Variants in PCDH7 observed in about 807,000 individuals in gnomAD.
PCDH7 encodes the protein protocadherin 7.
Under a neutral mutation model 58.9 loss-of-function variants are expected in PCDH7, and 17 were observed. The ratio of observed to expected loss-of-function variants is 0.29; its 90% CI spans 0.20 to 0.43. PCDH7 has a LOEUF of 0.43. Ranked by LOEUF, PCDH7 falls within the 20% of genes least tolerant of loss-of-function variation. The probability of loss-of-function intolerance (pLI) is 1.00; values close to 1 mark genes in which losing one functional copy is unlikely to be tolerated. For synonymous variants in PCDH7, 664 were observed against 616.4 expected (o/e 1.08, Z -1.14); for missense variants, 1,274 against 1,441.0 (o/e 0.88, Z 1.88).
At chr4:30,953,171 G>A (rs144711210) in intron 3 of PCDH7, among the ~76,000 whole-genome samples, 3 of 152,174 alleles carry the variant, frequency 2.0e-5, no homozygotes, top group African/African-American at 7.2e-5. Context: ...AAGTCTAGAG[G>A]TTGCTCCTAT....
intron 3 of PCDH7, among the ~76,000 whole-genome samples, chr4:30,992,310 A>G (rs1751523003): frequency 6.6e-6 from 1 of 152,208 alleles, no homozygotes; most frequent in African/African-American, 2.4e-5. Context: ...GATAATTCCC[A>G]ATCCAGCTGA....
At position 31,142,531 on chromosome 4, in the gene PCDH7, G is replaced by A. The variant is rs57021851; in HGVS notation, c.*66G>A. 1,797 of 1,367,732 alleles carry A rather than the reference G, an allele frequency of 1.3e-3. 27 individuals are homozygous for A. In the African/African-American group the frequency reaches 0.024, roughly 19 times the overall value. The allele number at this position is 1,367,732 out of a possible 1,614,324, so 84.7% of individuals were successfully genotyped here. A position where few individuals can be genotyped will look rare whatever the true frequency, so the allele number is the denominator to read the frequency against. On this transcript the variant is annotated 3_prime_UTR_variant, in exon 4 of 4. Coordinates refer to the PCDH7 transcript ENST00000509759. ...GGAAGTGCACTCGTGAGTGTGATGA[G>A]TATGGCCACTCAGACTCCTGCTGGA...
chr4:31,078,639 A>ATTTT (rs10709152), intron 3 of PCDH7, among the ~76,000 whole-genome samples: 852 of 73,568 alleles, frequency 0.012, 69 homozygotes, highest in African/African-American at 0.033. Context: ...ACCATGCCCC[A>ATTTT]TTTTTTTTTT....
intron 3 of PCDH7, among the ~76,000 whole-genome samples, chr4:31,008,104 A>T (rs553194486): frequency 1.3e-5 from 2 of 152,280 alleles, no homozygotes; most frequent in Admixed American, 6.5e-5. Flanking sequence ...AGATATTAAG[A>T]CAGAAGGCAG....
intron 1 of PCDH7, among the ~76,000 whole-genome samples, chr4:30,865,723 T>C (rs1364868863): frequency 1.3e-5 from 2 of 152,134 alleles, no homozygotes; most frequent in African/African-American, 4.8e-5. Flanking sequence ...GATAGAAATA[T>C]ACATACCTTC....
intron 1 of PCDH7, among the ~76,000 whole-genome samples, chr4:30,771,438 G>A (rs1009026778): frequency 6.6e-6 from 1 of 152,098 alleles, no homozygotes. Flanking sequence ...CTAGGATCTG[G>A]GTACCATAAT....
intron 1 of PCDH7, among the ~76,000 whole-genome samples, chr4:30,759,099 G>C (rs541169598): frequency 6.6e-6 from 1 of 151,740 alleles, no homozygotes; most frequent in Non-Finnish European, 1.5e-5. Context: ...CCGCCATGAC[G>C]CCCAGCTAAT....
chr4:30,811,449 G>A (rs980547728), intron 1 of PCDH7, among the ~76,000 whole-genome samples: 1 of 152,106 alleles, frequency 6.6e-6, no homozygotes, highest in African/African-American at 2.4e-5. Context: ...ATTATTAAGG[G>A]CTGTTCTTTG....
chr4:31,050,070 C>A (rs1366471986), intron 3 of PCDH7, among the ~76,000 whole-genome samples: 1 of 152,070 alleles, frequency 6.6e-6, no homozygotes, highest in East Asian at 1.9e-4. Context: ...ATGGGCATAT[C>A]TCTCTGGCTG....
chr4:31,005,790 T>A (rs1292429008), intron 3 of PCDH7, among the ~76,000 whole-genome samples: 3 of 152,200 alleles, frequency 2.0e-5, no homozygotes, highest in African/African-American at 7.2e-5. Context: ...ACATATGAAC[T>A]AATTAAAGTC....
At chr4:30,818,016 G>A (rs1480288675) in intron 1 of PCDH7, among the ~76,000 whole-genome samples, 1 of 152,044 alleles carries the variant, frequency 6.6e-6, no homozygotes, top group Non-Finnish European at 1.5e-5. Context: ...AGCCACAGTG[G>A]CCTCCTCCTT....
chr4:31,035,908 G>A (rs1755371455), intron 3 of PCDH7, among the ~76,000 whole-genome samples: 1 of 152,134 alleles, frequency 6.6e-6, no homozygotes, highest in Admixed American at 6.6e-5. Flanking sequence ...AGCGATAAGG[G>A]TTTCCTTGGC....
chr4:30,953,883 A>G (rs1484001728), intron 3 of PCDH7, among the ~76,000 whole-genome samples: 1 of 152,166 alleles, frequency 6.6e-6, no homozygotes, highest in African/African-American at 2.4e-5. Context: ...GTAAAAGACA[A>G]GCACAACAAA....
intron 3 of PCDH7, among the ~76,000 whole-genome samples, chr4:31,097,278 G>A (rs904698584): frequency 6.6e-6 from 1 of 151,688 alleles, no homozygotes; most frequent in South Asian, 2.1e-4. Flanking sequence ...CCAACATGGT[G>A]AAACCCTGTC....
rs564301041 is a variant in PCDH7 at position 30,930,580 on chromosome 4, A to T, written c.287+10211A>T. Reference sequence around the variant, plus strand: ...CCAAACAGAATGTTGAAAAGTACTGAAATATAAGAGAATAAGGGAGAAGTA... The same window carrying T: ...CCAAACAGAATGTTGAAAAGTACTGTAATATAAGAGAATAAGGGAGAAGTA... On this transcript the variant is annotated intron_variant, in intron 2 of 3. Transcript: ENST00000509759. 2.6e-5 allele frequency among the ~76,000 whole-genome samples: 4 copies of T among 152,270 alleles called. No individual in the cohort carries two copies. The East Asian group carries it at 7.7e-4, about 29-fold the overall frequency.
Position 31,099,948 on chromosome 4 carries a change from T to A in PCDH7, c.*8-42525T>A, listed in dbSNP as rs74911654. On this transcript the variant is annotated intron_variant, in intron 3 of 3. Coordinates refer to the PCDH7 transcript ENST00000509759. ...AGCATTTAACTTTGTGCCTATAACA[T>A]TATGAGGCTCAGATAAATGCTGAAC... Among the ~76,000 whole-genome samples the A allele has an allele frequency of 4.1e-4, 62 of 151,910 alleles. No homozygotes were observed. The East Asian group carries it at 9.5e-3, about 23-fold the overall frequency.
chr4:30,898,659 A>C (rs548063743), intron 1 of PCDH7, among the ~76,000 whole-genome samples: 1 of 152,224 alleles, frequency 6.6e-6, no homozygotes, highest in Non-Finnish European at 1.5e-5. Flanking sequence ...GGCGCGATCT[A>C]AGCTCACTGC....
rs185563443 is a variant in PCDH7 at position 30,963,088 on chromosome 4, T to G, written c.*7+12873T>G. Among the ~76,000 whole-genome samples, 26 of 152,332 alleles carry G rather than the reference T, an allele frequency of 1.7e-4. No homozygotes were observed. The East Asian group carries it at 4.8e-3, about 28-fold the overall frequency. On this transcript the variant is annotated intron_variant, in intron 3 of 3. Transcript: ENST00000509759. ...AAGAGGTATGCCATTGGTAGACAAC[T>G]GAAGCCATCATATGAAACTCAAACC...
chr4:31,078,685 T>G (rs914854499), intron 3 of PCDH7, among the ~76,000 whole-genome samples: 34 of 136,702 alleles, frequency 2.5e-4, no homozygotes, highest in African/African-American at 8.9e-4. Context: ...ATCCTAAATG[T>G]AATTTTCAAG....
Sources: gnomAD v4.1 joint callset for allele counts (sites outside exome capture counted in the v4.1 genomes callset) on GRCh38, gnomAD v4.1.1 for gene constraint, MANE v1.5 for transcripts, NCBI Gene and HGNC (gene_info 2026-07-23, HGNC 2026-07-21) for gene names.